Variants in LRP1B observed in about 807,000 individuals in gnomAD.
LRP1B encodes the protein low-density lipoprotein receptor-related protein 1B.
LRP1B carries 217 observed loss-of-function variants against 556.6 expected under a neutral mutation model. That is an observed-to-expected ratio of 0.39 (90% confidence interval 0.35 to 0.44). The LOEUF is 0.44. Among genes scored for constraint, LRP1B ranks in the 20% least tolerant of loss-of-function variants. The probability of loss-of-function intolerance (pLI) is 1.00; values close to 1 mark genes in which losing one functional copy is unlikely to be tolerated. For missense variants in LRP1B, 5,053 were observed against 5,620.8 expected (o/e 0.90, Z 3.23); for synonymous variants, 2,047 against 1,865.8 (o/e 1.10, Z -2.50).
intron 18 of LRP1B, among the ~76,000 whole-genome samples, chr2:140,961,984 A>G (rs976410043): frequency 6.6e-6 from 1 of 152,180 alleles, no homozygotes; most frequent in Non-Finnish European, 1.5e-5. Flanking sequence ...CTACTATTGT[A>G]CTATTATACT....
chr2:141,168,345 CT>C (rs1438722536), intron 7 of LRP1B, among the ~76,000 whole-genome samples: 1 of 151,988 alleles, frequency 6.6e-6, no homozygotes, highest in Non-Finnish European at 1.5e-5. Flanking sequence ...GCAGTGGTGT[CT>C]ATTATAACTA....
chr2:141,032,421 T>C (rs1698399035), intron 11 of LRP1B, among the ~76,000 whole-genome samples: 1 of 152,120 alleles, frequency 6.6e-6, no homozygotes, highest in African/African-American at 2.4e-5. Context: ...TACTAAATAA[T>C]TCTTCAATAC....
chr2:140,761,664 A>C (rs1688927916), intron 35 of LRP1B, among the ~76,000 whole-genome samples: 1 of 152,166 alleles, frequency 6.6e-6, no homozygotes, highest in African/African-American at 2.4e-5. Flanking sequence ...TTATTCAACA[A>C]CCTGCAAGGA....
intron 29 of LRP1B, among the ~76,000 whole-genome samples, chr2:140,846,561 TAAA>T (rs1236519923): frequency 6.6e-6 from 1 of 150,926 alleles, no homozygotes; most frequent in African/African-American, 2.4e-5. Flanking sequence ...ACTTCTAAAA[TAAA>T]AAAGAAAGAA....
At chr2:142,078,974 T>A (rs1389238100) in intron 1 of LRP1B, among the ~76,000 whole-genome samples, 1 of 152,214 alleles carries the variant, frequency 6.6e-6, no homozygotes, top group African/African-American at 2.4e-5. Context: ...TGTAATGTTT[T>A]TCAAAAATAC....
intron 74 of LRP1B, among the ~76,000 whole-genome samples, chr2:140,356,843 T>C (rs1682247025): frequency 6.6e-6 from 1 of 151,852 alleles, no homozygotes; most frequent in Non-Finnish European, 1.5e-5. Context: ...GCATTTCCTA[T>C]AAGCTACCTA....
chr2:140,890,511 C>A (rs532488057), intron 23 of LRP1B, among the ~76,000 whole-genome samples: 2 of 152,062 alleles, frequency 1.3e-5, no homozygotes, highest in African/African-American at 4.8e-5. Context: ...TCTTTATAGT[C>A]ATTTTATGTT....
At chr2:140,418,899 AG>A (rs1306125606) in intron 66 of LRP1B, among the ~76,000 whole-genome samples, 1 of 151,674 alleles carries the variant, frequency 6.6e-6, no homozygotes, top group African/African-American at 2.4e-5. Flanking sequence ...AAAAGGTTGA[AG>A]GCTGCTGTCA....
At chr2:140,716,456 T>A (rs963207442) in intron 36 of LRP1B, among the ~76,000 whole-genome samples, 1 of 152,046 alleles carries the variant, frequency 6.6e-6, no homozygotes, top group South Asian at 2.1e-4. Context: ...CTCAGGAGAT[T>A]TGGGCAAAGT....
At chr2:140,904,836 C>T (rs1295224769) in intron 22 of LRP1B, among the ~76,000 whole-genome samples, 1 of 151,848 alleles carries the variant, frequency 6.6e-6, no homozygotes, top group African/African-American at 2.4e-5. Flanking sequence ...GTCATTGTGC[C>T]CAGGAGGTAA....
intron 52 of LRP1B, among the ~76,000 whole-genome samples, 192 bp from the exon 53 acceptor site, chr2:140,507,110 A>G (rs1352444867): frequency 1.3e-5 from 2 of 152,216 alleles, no homozygotes; most frequent in African/African-American, 4.8e-5. Flanking sequence ...ATGTCTGAAT[A>G]TAAATACACA....
At chr2:141,747,850 T>C (rs1693969200) in intron 2 of LRP1B, among the ~76,000 whole-genome samples, 1 of 152,174 alleles carries the variant, frequency 6.6e-6, no homozygotes, top group Non-Finnish European at 1.5e-5. Context: ...TCTTGCATTA[T>C]CTCACCTAAT....
At chr2:141,015,627 A>G in intron 13 of LRP1B, 69 bp downstream of exon 13, 1 of 1,236,342 alleles carries the variant, frequency 8.1e-7, no homozygotes, top group Non-Finnish European at 1.2e-6. Context: ...AGTATTTTTA[A>G]CACAACACAA....
chr2:141,215,724 G>C (rs1682776325), intron 6 of LRP1B, among the ~76,000 whole-genome samples: 1 of 152,202 alleles, frequency 6.6e-6, no homozygotes, highest in Non-Finnish European at 1.5e-5. Flanking sequence ...TTGAGCTTGA[G>C]AGTGATAGCC....
At position 141,163,712 on chromosome 2, in the gene LRP1B, G is replaced by T. The variant is rs560566091; in HGVS notation, c.1013+24709C>A. Among the ~76,000 whole-genome samples, 4 of 152,134 alleles carry T rather than the reference G, an allele frequency of 2.6e-5. No homozygotes were observed. In the South Asian group the frequency reaches 8.3e-4, roughly 32 times the overall value. On this transcript the variant is annotated intron_variant, in intron 7 of 90. Transcript: ENST00000389484. Reference sequence around the variant, plus strand: ...TTATTTGGCTCGCATTCTCTCGTCTGCTGCCATGTAAGATGTGCCTTCTGC... The same window carrying T: ...TTATTTGGCTCGCATTCTCTCGTCTTCTGCCATGTAAGATGTGCCTTCTGC...
chr2:141,562,022 A>G (rs1234288656), intron 2 of LRP1B, among the ~76,000 whole-genome samples: 1 of 152,000 alleles, frequency 6.6e-6, no homozygotes, highest in Non-Finnish European at 1.5e-5. Flanking sequence ...AATAGAAATG[A>G]GGATATAAAT....
chr2:141,124,304 C>A (rs1026360380), intron 7 of LRP1B, among the ~76,000 whole-genome samples: 11 of 152,176 alleles, frequency 7.2e-5, no homozygotes, highest in Middle Eastern at 3.4e-3. Flanking sequence ...TTTCTTTTCT[C>A]CTCCTTTACC....
chr2:141,588,985 T>C (rs1039298149), intron 2 of LRP1B, among the ~76,000 whole-genome samples: 1 of 152,162 alleles, frequency 6.6e-6, no homozygotes, highest in African/African-American at 2.4e-5. Context: ...TAGCCACAAG[T>C]AGACATGTTG....
intron 83 of LRP1B, among the ~76,000 whole-genome samples, chr2:140,307,430 G>A (rs1684115515): frequency 6.6e-6 from 1 of 151,774 alleles, no homozygotes; most frequent in Non-Finnish European, 1.5e-5. Flanking sequence ...ACTTGACTGA[G>A]TATATGCCCT....
Sources: gnomAD v4.1 joint callset for allele counts (sites outside exome capture counted in the v4.1 genomes callset) on GRCh38, gnomAD v4.1.1 for gene constraint, MANE v1.5 for transcripts, NCBI Gene and HGNC (gene_info 2026-07-23, HGNC 2026-07-21) for gene names.